MCU: variants seen among roughly 807,000 people sequenced by gnomAD.
The protein encoded by MCU is calcium uniporter protein, mitochondrial.
Under a neutral mutation model 45.2 loss-of-function variants are expected in MCU, and 12 were observed. That is an observed-to-expected ratio of 0.27 (90% CI 0.17 to 0.43). The LOEUF is 0.43. Among genes scored for constraint, MCU ranks in the 20% least tolerant of loss-of-function variants. The pLI is 1.00. For synonymous variants in MCU, 160 were observed against 165.1 expected (o/e 0.97, Z 0.24); for missense variants, 324 against 436.7 (o/e 0.74, Z 2.30).
intron 2 of MCU, among the ~76,000 whole-genome samples, chr10:72,837,847 C>T (rs1189799099): frequency 1.3e-5 from 2 of 151,140 alleles, no homozygotes; most frequent in Admixed American, 1.3e-4. Flanking sequence ...AAGGAGATGC[C>T]CAATACTGGT....
At chr10:72,829,196 G>A (rs1443826343) in intron 1 of MCU, among the ~76,000 whole-genome samples, 3 of 151,824 alleles carry the variant, frequency 2.0e-5, no homozygotes, top group Non-Finnish European at 4.4e-5. Flanking sequence ...GTTGGTGCTC[G>A]CCTGTAGTCC....
rs111565978 is a variant in MCU, at chr10:72,779,248, G to A, written c.151-55111G>A. Among the ~76,000 whole-genome samples, 1,005 of 152,272 alleles carry A rather than the reference G, an allele frequency of 6.6e-3. 10 individuals carry two copies. The highest frequency in any genetic ancestry group is 0.023 in the African/African-American group (957 of 41,548). Reference sequence around the variant, plus strand: ...TTCCCAAAGTGCTGGGATTACAGGCGTGAGCCACTGCGCCTGGCCTCAGAA... The same window carrying A: ...TTCCCAAAGTGCTGGGATTACAGGCATGAGCCACTGCGCCTGGCCTCAGAA... On this transcript the variant is annotated intron_variant, in intron 1 of 7. Coordinates refer to ENST00000373053, the MANE Select transcript of MCU (RefSeq NM_138357.3).
At chr10:72,741,795 G>A (rs1385500099) in intron 1 of MCU, among the ~76,000 whole-genome samples, 2 of 152,124 alleles carry the variant, frequency 1.3e-5, no homozygotes, top group African/African-American at 4.8e-5. Context: ...TTGGGAGGCC[G>A]AGGCGGGTGG....
At chr10:72,715,884 G>C in intron 1 of MCU, 2 of 985,670 alleles carry the variant, frequency 2.0e-6, no homozygotes, top group Non-Finnish European at 2.4e-6. Context: ...TCACGCAGGG[G>C]AAACTTGAAC....
At chr10:72,882,419 TA>T in intron 6 of MCU, among the ~76,000 whole-genome samples, 1 of 152,248 alleles carries the variant, frequency 6.6e-6, no homozygotes, top group African/African-American at 2.4e-5. Context: ...ATGGGAGAAA[TA>T]TCGCTGAATT....
At chr10:72,746,502 T>G (rs533647187) in intron 1 of MCU, among the ~76,000 whole-genome samples, 102 of 152,368 alleles carry the variant, frequency 6.7e-4, no homozygotes, top group Non-Finnish European at 1.0e-3. Context: ...GTTGAATGTT[T>G]GAATTGTATC....
chr10:72,814,737 G>A (rs1195553171), intron 1 of MCU, among the ~76,000 whole-genome samples: 1 of 152,162 alleles, frequency 6.6e-6, no homozygotes, highest in Admixed American at 6.5e-5. Context: ...TTCTCTAAAA[G>A]GAAGGGTTAT....
intron 6 of MCU, among the ~76,000 whole-genome samples, chr10:72,876,672 A>C (rs1258724140): frequency 6.6e-6 from 1 of 152,182 alleles, no homozygotes; most frequent in Non-Finnish European, 1.5e-5. Flanking sequence ...AAGCTTTCTA[A>C]TTCTTAAAAC....
At chr10:72,852,462 G>A (rs1477099761) in intron 2 of MCU, among the ~76,000 whole-genome samples, 2 of 152,150 alleles carry the variant, frequency 1.3e-5, no homozygotes, top group Non-Finnish European at 2.9e-5. Flanking sequence ...GCTGCTATGG[G>A]AATTACTATC....
At chr10:72,878,556 A>G (rs1039579873) in intron 6 of MCU, among the ~76,000 whole-genome samples, 6 of 152,344 alleles carry the variant, frequency 3.9e-5, no homozygotes, top group Admixed American at 3.9e-4. Flanking sequence ...AAATAATTAT[A>G]CTTACTATAT....
At chr10:72,785,581 G>A (rs1844059937) in intron 1 of MCU, among the ~76,000 whole-genome samples, 1 of 152,132 alleles carries the variant, frequency 6.6e-6, no homozygotes. Flanking sequence ...AGCTTCTTTT[G>A]TGTGTTGGCT....
At chr10:72,814,200 G>A (rs989036203) in intron 1 of MCU, among the ~76,000 whole-genome samples, 1 of 152,118 alleles carries the variant, frequency 6.6e-6, no homozygotes, top group African/African-American at 2.4e-5. Flanking sequence ...TGGTAAACTG[G>A]TAAAAACCTA....
chr10:72,730,332 G>C (rs1281317448), intron 1 of MCU, among the ~76,000 whole-genome samples: 11 of 132,534 alleles, frequency 8.3e-5, no homozygotes, highest in East Asian at 2.2e-4. Flanking sequence ...TTTTTGAGAC[G>C]GAGTCTCACT....
At chr10:72,863,346 T>C (rs1451949596) in intron 4 of MCU, among the ~76,000 whole-genome samples, 1 of 152,228 alleles carries the variant, frequency 6.6e-6, no homozygotes, top group Non-Finnish European at 1.5e-5. Context: ...TCCTTCTATA[T>C]TGAGTGAATT....
At chr10:72,826,013 TGGTGAAGG>T (rs1844793174) in intron 1 of MCU, among the ~76,000 whole-genome samples, 1 of 152,186 alleles carries the variant, frequency 6.6e-6, no homozygotes, top group Non-Finnish European at 1.5e-5. Flanking sequence ...CGTTGAATAA[TGGTGAAGG>T]GTCTGACAAT....
intron 1 of MCU, among the ~76,000 whole-genome samples, chr10:72,801,328 A>G (rs775199250): frequency 6.6e-6 from 1 of 150,610 alleles, no homozygotes; most frequent in African/African-American, 2.4e-5. Context: ...ATAATTTCCT[A>G]GATAGTATTA....
At chr10:72,768,701 A>G (rs1360164291) in intron 1 of MCU, among the ~76,000 whole-genome samples, 1 of 152,216 alleles carries the variant, frequency 6.6e-6, no homozygotes, top group African/African-American at 2.4e-5. Context: ...AGCAGTAAGA[A>G]AAATTACAGT....
intron 1 of MCU, among the ~76,000 whole-genome samples, chr10:72,805,229 T>C (rs1040196901): frequency 6.7e-6 from 1 of 149,090 alleles, no homozygotes; most frequent in African/African-American, 2.5e-5. Flanking sequence ...CCTTTCCTTT[T>C]TCCTTTCCTT....
chr10:72,841,447 G>A (rs938257495), intron 2 of MCU, among the ~76,000 whole-genome samples: 2 of 152,034 alleles, frequency 1.3e-5, no homozygotes, highest in Non-Finnish European at 2.9e-5. Flanking sequence ...ACAGGCACCC[G>A]CCACCATGCC....
Sources: gnomAD v4.1 joint callset for allele counts (sites outside exome capture counted in the v4.1 genomes callset) on GRCh38, gnomAD v4.1.1 for gene constraint, MANE v1.5 for transcripts, NCBI Gene and HGNC (gene_info 2026-07-23, HGNC 2026-07-21) for gene names.